UNC5C: variants seen among roughly 807,000 people sequenced by gnomAD.
UNC5C encodes netrin receptor UNC5C.
A neutral mutation model predicts 99.8 loss-of-function variants in UNC5C; 47 were observed. That is an observed-to-expected ratio of 0.47 (90% CI 0.37 to 0.60). The LOEUF (loss-of-function observed/expected upper bound fraction) is 0.60. Ranked by LOEUF, UNC5C falls within the 20% of genes least tolerant of loss-of-function variation. The pLI, the probability that UNC5C is intolerant of heterozygous loss-of-function variation, is 0.00. For missense variants in UNC5C, 1,062 were observed against 1,165.9 expected, an observed-to-expected ratio of 0.91 and a Z score of 1.30; for synonymous variants, 487 against 452.2, an observed-to-expected ratio of 1.08 and a Z score of -0.98.
Position 95,261,863 on chromosome 4 carries a change from C to T in UNC5C, c.595-11196G>A, listed in dbSNP as rs938070717. 2.0e-5 allele frequency among the ~76,000 whole-genome samples: 3 copies of T among 152,056 alleles called. No homozygotes were observed. The East Asian group carries it at 5.8e-4, about 29-fold the overall frequency. ...AGACTACAGGGGCATGCCACGATGC[C>T]CAGCTAATTTTTTCTATTTTTACTA... On this transcript the variant is annotated intron_variant, in intron 4 of 15. Transcript: ENST00000453304.
At chr4:95,421,445 C>T (rs1207352808) in intron 1 of UNC5C, among the ~76,000 whole-genome samples, 1 of 151,768 alleles carries the variant, frequency 6.6e-6, no homozygotes, top group Non-Finnish European at 1.5e-5. Flanking sequence ...ATTTATCGAA[C>T]ATCTATTTGA....
At chr4:95,418,681 GA>G (rs1334169612) in intron 1 of UNC5C, among the ~76,000 whole-genome samples, 3 of 152,030 alleles carry the variant, frequency 2.0e-5, no homozygotes, top group African/African-American at 4.8e-5. Context: ...ACTAGAAAAA[GA>G]AAAATAGAAA....
rs78346243 is a variant in UNC5C at position 95,196,401 on chromosome 4, A to G, written c.2136+6330T>C. On this transcript the variant is annotated intron_variant, in intron 12 of 15. Transcript: ENST00000453304. ...CCTTTTATGTGAACACAACTAGAGC[A>G]TTGCTCCCAGTGGTCCTTCAAGCAC... is the stretch of plus-strand genomic sequence containing the variant. Among the ~76,000 whole-genome samples, 1,234 of 152,224 alleles carry G rather than the reference A, an allele frequency of 8.1e-3. 16 individuals carry two copies. The highest frequency in any genetic ancestry group is 0.027 in the African/African-American group (1,121 of 41,520).
chr4:95,332,012 A>T (rs867352185), intron 2 of UNC5C, among the ~76,000 whole-genome samples: 3 of 152,138 alleles, frequency 2.0e-5, no homozygotes, highest in Non-Finnish European at 2.9e-5. Context: ...CCAACTTACA[A>T]GGGACGTGAA....
chr4:95,399,910 A>C (rs571564567), intron 1 of UNC5C, among the ~76,000 whole-genome samples: 3 of 152,178 alleles, frequency 2.0e-5, no homozygotes, highest in Non-Finnish European at 2.9e-5. Flanking sequence ...CCATTAGACT[A>C]TGCTTTACAG....
chr4:95,541,717 T>C (rs1472840349), intron 1 of UNC5C, among the ~76,000 whole-genome samples: 1 of 152,130 alleles, frequency 6.6e-6, no homozygotes, highest in Non-Finnish European at 1.5e-5. Context: ...TATTTATGGA[T>C]ATATCCCTTA....
chr4:95,439,294 T>C (rs1469623052), intron 1 of UNC5C, among the ~76,000 whole-genome samples: 2 of 152,052 alleles, frequency 1.3e-5, no homozygotes, highest in Non-Finnish European at 2.9e-5. Context: ...GTGGATGATG[T>C]AAAGAAGGGT....
chr4:95,172,271 TG>T (rs1736151739), intron 14 of UNC5C, among the ~76,000 whole-genome samples: 2 of 151,988 alleles, frequency 1.3e-5, no homozygotes, highest in African/African-American at 4.8e-5. Context: ...ATTTTGGCTT[TG>T]GTTGCCATTG....
At chr4:95,217,060 A>G (rs992831321) in intron 9 of UNC5C, among the ~76,000 whole-genome samples, 3 of 152,220 alleles carry the variant, frequency 2.0e-5, no homozygotes, top group South Asian at 2.1e-4. Context: ...GTTTGGCTCC[A>G]TCATTTGATT....
At position 95,407,213 on chromosome 4, in the gene UNC5C, G is replaced by A. The variant is rs1579389269; in HGVS notation, c.125-71582C>T. On this transcript the variant is annotated intron_variant, in intron 1 of 15. Transcript: ENST00000453304. ...AAAGCTCTTATCTAGAATTTTATAT[G>A]CAGCACAGTATCGATTGACTATATG... Among the ~76,000 whole-genome samples the A allele has an allele frequency of 2.6e-5, 4 of 152,132 alleles. No individual in the cohort carries two copies. In the South Asian group the frequency reaches 8.3e-4, roughly 32 times the overall value.
intron 1 of UNC5C, among the ~76,000 whole-genome samples, chr4:95,365,295 CA>C (rs11332755): frequency 0.59 from 63,229 of 107,706 alleles, 15,387 homozygotes; most frequent in Admixed American, 0.66. Context: ...GAATCTGTCT[CA>C]AAAAAAAAAA....
intron 1 of UNC5C, among the ~76,000 whole-genome samples, chr4:95,365,398 AAT>A (rs1012841737): frequency 1.4e-5 from 2 of 147,688 alleles, no homozygotes; most frequent in South Asian, 2.1e-4. Context: ...AATTTAATAT[AAT>A]ATATATTTTA....
intron 13 of UNC5C, among the ~76,000 whole-genome samples, chr4:95,183,713 G>T (rs557718422): frequency 6.0e-5 from 8 of 133,056 alleles, no homozygotes; most frequent in African/African-American, 2.1e-4. Flanking sequence ...GAAAGAAAAG[G>T]TTGCCACATA....
chr4:95,532,290 C>T (rs970925646), intron 1 of UNC5C, among the ~76,000 whole-genome samples: 12 of 152,016 alleles, frequency 7.9e-5, no homozygotes, highest in Non-Finnish European at 1.5e-4. Flanking sequence ...TGATTTCCAC[C>T]TACAACTTCA....
intron 3 of UNC5C, among the ~76,000 whole-genome samples, chr4:95,280,045 A>T (rs187645046): frequency 1.1e-4 from 16 of 152,272 alleles, no homozygotes; most frequent in Admixed American, 1.0e-3. Context: ...TCAGGTGTTA[A>T]TGCTCACTAG....
At chr4:95,415,996 A>G (rs1041888460) in intron 1 of UNC5C, among the ~76,000 whole-genome samples, 1 of 152,062 alleles carries the variant, frequency 6.6e-6, no homozygotes, top group African/African-American at 2.4e-5. Context: ...AGCTAATCAG[A>G]TCATATAAAA....
intron 1 of UNC5C, among the ~76,000 whole-genome samples, chr4:95,384,502 G>A (rs17372027): frequency 0.047 from 7,160 of 152,246 alleles, 240 homozygotes; most frequent in Middle Eastern, 0.13. Context: ...GCTGAGCAGA[G>A]CAGGTACGAA....
At chr4:95,330,728 G>A (rs1470534092) in intron 2 of UNC5C, among the ~76,000 whole-genome samples, 1 of 151,796 alleles carries the variant, frequency 6.6e-6, no homozygotes, top group Non-Finnish European at 1.5e-5. Flanking sequence ...TTCATTACTT[G>A]TGTTGTCTAA....
chr4:95,398,440 T>C (rs1480976280), intron 1 of UNC5C, among the ~76,000 whole-genome samples: 1 of 151,934 alleles, frequency 6.6e-6, no homozygotes, highest in Non-Finnish European at 1.5e-5. Flanking sequence ...CACTCATTCA[T>C]TCATTCATTC....
Sources: gnomAD v4.1 joint callset for allele counts (sites outside exome capture counted in the v4.1 genomes callset) on GRCh38, gnomAD v4.1.1 for gene constraint, MANE v1.5 for transcripts, NCBI Gene and HGNC (gene_info 2026-07-23, HGNC 2026-07-21) for gene names.